ZRANB3: variants seen among roughly 807,000 people sequenced by gnomAD.
ZRANB3 encodes the protein DNA annealing helicase and endonuclease ZRANB3.
Under a neutral mutation model 133.8 loss-of-function variants are expected in ZRANB3, and 125 were observed. That is an observed-to-expected ratio of 0.93 (90% CI 0.81 to 1.08). The LOEUF (loss-of-function observed/expected upper bound fraction) is 1.08, where lower values mean the gene tolerates loss of function less well. Ranked by LOEUF, ZRANB3 falls within the 50% of genes least tolerant of loss-of-function variation. ZRANB3 has a pLI of 0.00. For synonymous variants in ZRANB3, 387 were observed against 432.7 expected (o/e 0.89, Z 1.31); for missense variants, 1,229 against 1,275.5 (o/e 0.96, Z 0.56).
At chr2:135,470,534 A>G (rs1691209782) in intron 2 of ZRANB3, among the ~76,000 whole-genome samples, 1 of 151,438 alleles carries the variant, frequency 6.6e-6, no homozygotes, top group Non-Finnish European at 1.5e-5. Context: ...AAAAAATACA[A>G]AAATTAGCTG....
At chr2:135,277,653 G>A (rs559949757) in intron 8 of ZRANB3, among the ~76,000 whole-genome samples, 6 of 152,224 alleles carry the variant, frequency 3.9e-5, no homozygotes, top group South Asian at 2.1e-4. Context: ...GGCCAGGTGC[G>A]GGGGCTCACG....
At chr2:135,268,914 T>A in intron 11 of ZRANB3, 48 bp downstream of exon 11, 2 of 1,529,104 alleles carry the variant, frequency 1.3e-6, no homozygotes, top group Non-Finnish European at 1.8e-6. Context: ...ACATTGGCTA[T>A]GGTTAATAGT....
At chr2:135,306,177 T>C (rs2104814683) in intron 8 of ZRANB3, among the ~76,000 whole-genome samples, 1 of 152,322 alleles carries the variant, frequency 6.6e-6, no homozygotes, top group East Asian at 1.9e-4. Context: ...TTCTATGCCT[T>C]TGCCCATCTC....
At chr2:135,409,785 T>C (rs1017619950) in intron 2 of ZRANB3, among the ~76,000 whole-genome samples, 2 of 152,212 alleles carry the variant, frequency 1.3e-5, no homozygotes, top group Admixed American at 6.5e-5. Flanking sequence ...TGTTTCAGGA[T>C]ACAAAATCAG....
At chr2:135,400,169 G>A (rs1200952899) in intron 2 of ZRANB3, among the ~76,000 whole-genome samples, 1 of 152,000 alleles carries the variant, frequency 6.6e-6, no homozygotes, top group Non-Finnish European at 1.5e-5. Context: ...GAATCTGGGA[G>A]GAAGAAGTTG....
At chr2:135,470,106 C>A (rs1358390764) in intron 2 of ZRANB3, among the ~76,000 whole-genome samples, 10 of 151,014 alleles carry the variant, frequency 6.6e-5, no homozygotes, top group Admixed American at 2.7e-4. Context: ...AGGCAGATCA[C>A]CTGAGGTCAG....
chr2:135,239,128 T>C (rs974205762), intron 12 of ZRANB3, among the ~76,000 whole-genome samples: 1 of 152,202 alleles, frequency 6.6e-6, no homozygotes, highest in Non-Finnish European at 1.5e-5. Flanking sequence ...CAAAATACCA[T>C]ATATTGTAAA....
chr2:135,399,357 T>A (rs988483456), intron 2 of ZRANB3, among the ~76,000 whole-genome samples: 14 of 152,214 alleles, frequency 9.2e-5, no homozygotes, highest in African/African-American at 3.4e-4. Context: ...GTACATTCAA[T>A]GGGTGGCAAC....
At chr2:135,487,961 C>T (rs1692195932) in intron 2 of ZRANB3, among the ~76,000 whole-genome samples, 1 of 152,210 alleles carries the variant, frequency 6.6e-6, no homozygotes, top group Non-Finnish European at 1.5e-5. Context: ...TAGCCTATAT[C>T]CACTTCGACC....
intron 1 of ZRANB3, among the ~76,000 whole-genome samples, chr2:135,526,124 G>A (rs1035295893): frequency 1.3e-5 from 2 of 150,342 alleles, no homozygotes. Context: ...ATTGCACAAG[G>A]TACATTTAAT....
intron 2 of ZRANB3, among the ~76,000 whole-genome samples, chr2:135,499,447 G>A (rs112898935): frequency 2.6e-5 from 4 of 151,946 alleles, no homozygotes; most frequent in Admixed American, 6.6e-5. Flanking sequence ...AAATATACCT[G>A]ATAAAAGACT....
intron 17 of ZRANB3, among the ~76,000 whole-genome samples, chr2:135,217,089 G>A (rs377453357): frequency 2.0e-5 from 3 of 152,138 alleles, no homozygotes; most frequent in East Asian, 1.9e-4. Context: ...TCATACTCAC[G>A]CACAGCAGGG....
intron 2 of ZRANB3, among the ~76,000 whole-genome samples, chr2:135,488,288 T>C (rs966454382): frequency 2.6e-5 from 4 of 152,124 alleles, no homozygotes; most frequent in African/African-American, 9.7e-5. Context: ...CCATAACGGA[T>C]AATGAAATAG....
At chr2:135,404,483 C>A (rs1020848533) in intron 2 of ZRANB3, among the ~76,000 whole-genome samples, 4 of 152,124 alleles carry the variant, frequency 2.6e-5, no homozygotes, top group African/African-American at 9.7e-5. Flanking sequence ...GATTGGTGTA[C>A]CTCAAAGTGA....
rs543444606 is a variant in ZRANB3 at position 135,423,385 on chromosome 2, C to T, written c.162-32565G>A. Reference sequence around the variant, plus strand: ...GGCGGAGGTTGCAGTGAGCCAAGATCGTGCCACTGCACTCTAGCCTGGCGA... The same window carrying T: ...GGCGGAGGTTGCAGTGAGCCAAGATTGTGCCACTGCACTCTAGCCTGGCGA... On this transcript the variant is annotated intron_variant, in intron 2 of 20. Coordinates refer to ENST00000264159, the MANE Select transcript of ZRANB3 (RefSeq NM_032143.4). 9.2e-5 allele frequency among the ~76,000 whole-genome samples: 14 copies of T among 152,248 alleles called. No homozygotes were observed. In the South Asian group the frequency reaches 1.2e-3, roughly 14 times the overall value.
At chr2:135,515,963 T>C (rs558657323) in intron 1 of ZRANB3, among the ~76,000 whole-genome samples, 53 of 152,346 alleles carry the variant, frequency 3.5e-4, no homozygotes, top group South Asian at 1.2e-3. Context: ...TAGGTGCTCC[T>C]GTATTGGGTG....
chr2:135,384,275 T>C (rs923795134), intron 3 of ZRANB3, among the ~76,000 whole-genome samples: 2 of 151,974 alleles, frequency 1.3e-5, no homozygotes, highest in Admixed American at 6.6e-5. Flanking sequence ...ACACATACAC[T>C]CTCCCAAGAC....
chr2:135,345,772 T>C, intron 5 of ZRANB3, 137 bp from the exon 6 acceptor site: 1 of 615,762 alleles, frequency 1.6e-6, no homozygotes, highest in South Asian at 2.1e-5. Flanking sequence ...CCCTCACTAC[T>C]ATTCATCAGG....
intron 3 of ZRANB3, among the ~76,000 whole-genome samples, chr2:135,364,520 G>C (rs1437536245): frequency 6.6e-6 from 1 of 152,116 alleles, no homozygotes; most frequent in African/African-American, 2.4e-5. Context: ...GGCTGAGGTG[G>C]GCGGATAACT....
Sources: gnomAD v4.1 joint callset for allele counts (sites outside exome capture counted in the v4.1 genomes callset) on GRCh38, gnomAD v4.1.1 for gene constraint, MANE v1.5 for transcripts, NCBI Gene and HGNC (gene_info 2026-07-23, HGNC 2026-07-21) for gene names.